Variants in ESR1 observed in about 807,000 individuals in gnomAD.
ESR1 encodes the protein estrogen receptor 1.
A neutral mutation model predicts 52.7 loss-of-function variants in ESR1; 12 were observed. The ratio of observed to expected loss-of-function variants is 0.23; its 90% confidence interval spans 0.15 to 0.37. ESR1 has a LOEUF of 0.37. Among genes scored for constraint, ESR1 ranks in the 10% least tolerant of loss-of-function variants. The pLI is 1.00. For missense variants in ESR1, 584 were observed against 779.7 expected, an observed-to-expected ratio of 0.75 and a Z score of 2.99; for synonymous variants, 305 against 316.8, an observed-to-expected ratio of 0.96 and a Z score of 0.39.
At chr6:151,808,410 A>AG (rs1554259734) in intron 1 of ESR1, 46 bp downstream of exon 1, 1 of 287,720 alleles carries the variant, frequency 3.5e-6, no homozygotes, top group African/African-American at 2.7e-5. Flanking sequence ...CGCGCCCGGC[A>AG]GGAGGGAGGG....
chr6:151,962,169 A>G lies in ESR1; in HGVS notation c.1096+17661A>G, dbSNP rs143906458. Among the ~76,000 whole-genome samples, 1,082 of 152,286 alleles carry G rather than the reference A, an allele frequency of 7.1e-3. 8 individuals are homozygous for G. Among genetic ancestry groups the G allele is most frequent in the African/African-American group, 0.019 (791 of 41,570 alleles). On this transcript the variant is annotated intron_variant, in intron 4 of 7. Transcript: ENST00000206249. ...GTCTTCTAGGCATTCTGCTGCTTCA[A>G]GGGAGTCTCTGAGATTGGGTTCTGC...
Position 151,908,775 on chromosome 6 carries a change from A to T in ESR1, c.760+28004A>T, listed in dbSNP as rs573944198. Among the ~76,000 whole-genome samples the T allele has an allele frequency of 2.0e-5, 3 of 152,290 alleles. No homozygotes were observed. In the South Asian group the frequency reaches 6.2e-4, roughly 32 times the overall value. On this transcript the variant is annotated intron_variant, in intron 3 of 7. Transcript: ENST00000206249. ...ATCTTTCTAAACAATTGAGAAAAAA[A>T]AAACTGTTCTGAAACAAAAACTTGT... is the stretch of plus-strand genomic sequence containing the variant.
At chr6:151,921,693 T>A (rs959676606) in intron 3 of ESR1, among the ~76,000 whole-genome samples, 3 of 152,220 alleles carry the variant, frequency 2.0e-5, no homozygotes, top group African/African-American at 7.2e-5. Context: ...TGATCAGTGA[T>A]GTTGAGCTTT....
At chr6:151,874,569 G>A (rs552823536) in intron 2 of ESR1, among the ~76,000 whole-genome samples, 24 of 152,144 alleles carry the variant, frequency 1.6e-4, no homozygotes, top group Non-Finnish European at 3.4e-4. Context: ...AAATTTGTAG[G>A]CTATGATGGA....
At chr6:152,008,358 A>G (rs760714418) in intron 4 of ESR1, among the ~76,000 whole-genome samples, 5 of 152,104 alleles carry the variant, frequency 3.3e-5, no homozygotes, top group African/African-American at 7.2e-5. Context: ...TGAGAGGTCT[A>G]CAACATTTCA....
rs78074869 is a variant in ESR1 at position 151,810,412 on chromosome 6, A to G, written c.452+2048A>G. ...TTCTGCCTGTTATTATCCAGCAAGG[A>G]AAAGAAGCATCTATGCAAGTTCTTC... On this transcript the variant is annotated intron_variant, in intron 1 of 7. Transcript: ENST00000206249. Among the ~76,000 whole-genome samples the G allele has an allele frequency of 2.2e-4, 34 of 152,332 alleles. No individual in the cohort carries two copies. In the East Asian group the frequency reaches 6.4e-3, roughly 29 times the overall value.
intron 1 of ESR1, among the ~76,000 whole-genome samples, chr6:151,693,023 A>G (rs1779064962): frequency 6.6e-6 from 1 of 151,824 alleles, no homozygotes; most frequent in African/African-American, 2.4e-5. Flanking sequence ...AGCTCCCACC[A>G]CTCTCTAGCT....
At chr6:151,969,354 C>A (rs144420829) in intron 4 of ESR1, among the ~76,000 whole-genome samples, 95 of 152,120 alleles carry the variant, frequency 6.2e-4, no homozygotes, top group African/African-American at 1.9e-3. Context: ...CAAAAATTGG[C>A]CTTTATTTTC....
intron 2 of ESR1, among the ~76,000 whole-genome samples, chr6:151,770,554 C>T (rs920565742): frequency 1.3e-5 from 2 of 151,922 alleles, no homozygotes; most frequent in African/African-American, 4.8e-5. Flanking sequence ...CCAACTGAAG[C>T]TGGTTAAACT....
chr6:151,665,015 G>A (rs141763105), intron 1 of ESR1, among the ~76,000 whole-genome samples: 45 of 152,284 alleles, frequency 3.0e-4, no homozygotes, highest in African/African-American at 1.0e-3. Context: ...AAAACTTGTA[G>A]TCCTTAAAAT....
intron 6 of ESR1, among the ~76,000 whole-genome samples, chr6:152,082,713 C>A (rs890327016): frequency 2.0e-5 from 3 of 152,092 alleles, no homozygotes; most frequent in African/African-American, 7.2e-5. Flanking sequence ...TTTAGAAAAC[C>A]CCATTGTCTC....
intron 4 of ESR1, among the ~76,000 whole-genome samples, chr6:151,986,920 T>C (rs1447588584): frequency 1.3e-5 from 2 of 151,582 alleles, no homozygotes; most frequent in African/African-American, 2.4e-5. Context: ...TGTGTGTGTG[T>C]GCACGCGAGC....
chr6:151,795,449 C>A (rs1471233178), intron 2 of ESR1, among the ~76,000 whole-genome samples: 2 of 146,208 alleles, frequency 1.4e-5, no homozygotes, highest in African/African-American at 5.2e-5. Context: ...AATCGCACCA[C>A]TGCACTCCAG....
In ESR1 at chr6:151,997,138, TCA is replaced by T. The variant is rs1184444360; in HGVS notation, c.1097-14517_1097-14516del. Among the ~76,000 whole-genome samples, 949 of 152,216 alleles carry T rather than the reference TCA, an allele frequency of 6.2e-3. 10 individuals are homozygous for T. The highest frequency in any genetic ancestry group is 0.022 in the African/African-American group (919 of 41,568). ...CAATGTGTGAAGAGCATCTTACCGTTCATTGCTTTGGATGATTTGTGCAAATC... is the reference window on the plus strand; with the variant it reads ...CAATGTGTGAAGAGCATCTTACCGTTTTGCTTTGGATGATTTGTGCAAATC... On this transcript the variant is annotated intron_variant, in intron 4 of 7. Coordinates refer to ENST00000206249, the MANE Select transcript of ESR1 (RefSeq NM_000125.4).
At chr6:152,107,440 T>C, downstream of ESR1, among the ~76,000 whole-genome samples, 1 of 152,370 alleles carries the variant, frequency 6.6e-6, no homozygotes. Flanking sequence ...AACTACAGAA[T>C]AAAAATTGAT....
chr6:151,844,358 T>G (rs1180534708), intron 2 of ESR1, among the ~76,000 whole-genome samples: 2 of 152,314 alleles, frequency 1.3e-5, no homozygotes, highest in East Asian at 3.9e-4. Context: ...ACCAAGCATT[T>G]AATTTGGCAG....
At chr6:151,962,733 T>TGTGC (rs2128603783) in intron 4 of ESR1, among the ~76,000 whole-genome samples, 1 of 152,348 alleles carries the variant, frequency 6.6e-6, no homozygotes, top group African/African-American at 2.4e-5. Flanking sequence ...TTTCATTCAT[T>TGTGC]GTGCTGGGCA....
chr6:151,874,807 G>A (rs1791542575), intron 2 of ESR1, among the ~76,000 whole-genome samples: 1 of 152,108 alleles, frequency 6.6e-6, no homozygotes, highest in African/African-American at 2.4e-5. Context: ...TAAAGCTAAA[G>A]TGTTTCCTGG....
At chr6:151,850,080 T>TTA (rs1156493076) in intron 2 of ESR1, among the ~76,000 whole-genome samples, 23,941 of 48,042 alleles carry the variant, frequency 0.5, 4,454 homozygotes, top group Middle Eastern at 0.62. Flanking sequence ...ATATAAAAAA[T>TTA]TATATATATA....
Sources: gnomAD v4.1 joint callset for allele counts (sites outside exome capture counted in the v4.1 genomes callset) on GRCh38, gnomAD v4.1.1 for gene constraint, MANE v1.5 for transcripts, NCBI Gene and HGNC (gene_info 2026-07-23, HGNC 2026-07-21) for gene names.